The following HDAC4 variants were observed in gnomAD, a reference collection of about 807,000 sequenced individuals.
HDAC4 encodes the protein histone deacetylase A.
A neutral mutation model predicts 135.1 loss-of-function variants in HDAC4; 16 were observed. The ratio of observed to expected loss-of-function variants is 0.12; its 90% CI spans 0.08 to 0.18. The LOEUF (loss-of-function observed/expected upper bound fraction) is 0.18. Ranked by LOEUF, HDAC4 falls within the 10% of genes least tolerant of loss-of-function variation. HDAC4 has a pLI of 1.00. For synonymous variants in HDAC4, 685 were observed against 653.4 expected, an observed-to-expected ratio of 1.05 and a Z score of -0.74; for missense variants, 1,143 against 1,511.8, an observed-to-expected ratio of 0.76 and a Z score of 4.05.
chr2:239,316,016 CAGT>C, intron 2 of HDAC4, among the ~76,000 whole-genome samples: 1 of 152,166 alleles, frequency 6.6e-6, no homozygotes, highest in South Asian at 2.1e-4. Context: ...TCTCTTCCAT[CAGT>C]AGAACTCTTA....
chr2:239,062,204 C>T (rs1470707941), intron 24 of HDAC4, among the ~76,000 whole-genome samples: 1 of 152,272 alleles, frequency 6.6e-6, no homozygotes, highest in Non-Finnish European at 1.5e-5. Flanking sequence ...GCACAGGCCT[C>T]CAGACCTACG....
chr2:239,127,092 T>C (rs904863735), intron 11 of HDAC4, among the ~76,000 whole-genome samples: 3 of 152,134 alleles, frequency 2.0e-5, no homozygotes, highest in African/African-American at 4.8e-5. Context: ...GGGCCACCAG[T>C]GTGCTGAGGA....
At chr2:239,263,098 G>A (rs1002424459) in intron 2 of HDAC4, among the ~76,000 whole-genome samples, 10 of 152,184 alleles carry the variant, frequency 6.6e-5, no homozygotes, top group Admixed American at 5.9e-4. Flanking sequence ...GGTGACACAG[G>A]CACATACACA....
At chr2:239,060,179 T>C (rs987506467) in intron 24 of HDAC4, among the ~76,000 whole-genome samples, 8 of 152,160 alleles carry the variant, frequency 5.3e-5, no homozygotes, top group African/African-American at 1.9e-4. Flanking sequence ...TGGGACTCCA[T>C]CCACTGGGGC....
intron 2 of HDAC4, among the ~76,000 whole-genome samples, chr2:239,341,737 A>C (rs1346093289): frequency 6.6e-6 from 1 of 152,254 alleles, no homozygotes. Flanking sequence ...CTATGAATGC[A>C]AACTAATTGA....
At position 239,366,102 on chromosome 2, in the gene HDAC4, TCAGGGTCACGCGTGTGG is replaced by T. The variant is rs546531654; in HGVS notation, c.-219-13201_-219-13185del. On this transcript the variant is annotated intron_variant, in intron 1 of 26. Transcript: ENST00000543185. The stretch of plus-strand genomic sequence containing the variant: ...AACACGCATGCACAGAGCAGGGTCG[TCAGGGTCACGCGTGTGG>T]CACTGGCGGACACAAACACGCATGC... 3.7e-4 allele frequency among the ~76,000 whole-genome samples: 48 copies of T among 129,348 alleles called. No homozygotes were observed. In the East Asian group the frequency reaches 9.8e-3, roughly 26 times the overall value. 84.9% of individuals were successfully genotyped at this position (129,348 alleles called of 152,430 possible).
At chr2:239,154,158 C>T (rs2152942711) in intron 7 of HDAC4, among the ~76,000 whole-genome samples, 1 of 152,150 alleles carries the variant, frequency 6.6e-6, no homozygotes, top group South Asian at 2.1e-4. Flanking sequence ...TGTGTGCTGT[C>T]CTTTCCTGGG....
At chr2:239,366,470 T>G (rs1228338247) in intron 1 of HDAC4, among the ~76,000 whole-genome samples, 1 of 152,242 alleles carries the variant, frequency 6.6e-6, no homozygotes, top group Non-Finnish European at 1.5e-5. Flanking sequence ...GTGTGTTTAT[T>G]GCCAGTCTGC....
chr2:239,088,746 G>T (rs1407266535), intron 18 of HDAC4, among the ~76,000 whole-genome samples: 1 of 152,208 alleles, frequency 6.6e-6, no homozygotes, highest in Non-Finnish European at 1.5e-5. Context: ...AGACGGGAAG[G>T]AAGCGTGAGA....
intron 24 of HDAC4, among the ~76,000 whole-genome samples, chr2:239,060,363 C>T (rs756118181): frequency 3.3e-5 from 5 of 152,228 alleles, no homozygotes; most frequent in Admixed American, 1.3e-4. Context: ...ACCGCTCTCT[C>T]CTTCTCTCCC....
intron 24 of HDAC4, among the ~76,000 whole-genome samples, chr2:239,056,308 AG>A (rs1346244268): frequency 6.6e-6 from 1 of 152,200 alleles, no homozygotes; most frequent in African/African-American, 2.4e-5. Flanking sequence ...TCTCCAATGA[AG>A]GGAAGCAGGC....
At chr2:239,206,270 G>A (rs962145289) in intron 3 of HDAC4, among the ~76,000 whole-genome samples, 3 of 152,222 alleles carry the variant, frequency 2.0e-5, no homozygotes, top group Admixed American at 1.3e-4. Context: ...AGAGGCTGCA[G>A]TGAGCTGAGA....
At chr2:239,178,105 C>T (rs969111792) in intron 4 of HDAC4, among the ~76,000 whole-genome samples, 1 of 152,216 alleles carries the variant, frequency 6.6e-6, no homozygotes, top group Non-Finnish European at 1.5e-5. Flanking sequence ...CCACACAAAC[C>T]CCTGGGCCAG....
At chr2:239,242,916 T>C (rs1036925024) in intron 2 of HDAC4, among the ~76,000 whole-genome samples, 5 of 152,216 alleles carry the variant, frequency 3.3e-5, no homozygotes, top group African/African-American at 9.6e-5. Flanking sequence ...TCTGATAACG[T>C]AGTAAACTTT....
rs148603067 is a variant in HDAC4 at position 239,115,971 on chromosome 2, C to T, written c.1534-661G>A. On this transcript the variant is annotated intron_variant, in intron 12 of 26. Coordinates refer to ENST00000543185, the MANE Select transcript of HDAC4 (RefSeq NM_001378414.1). The surrounding 1 kb of genome is among the most constrained non-coding windows in gnomAD (Gnocchi z 6.3). ...TCCATGGGTGCTCCATGACCTGCCC[C>T]GCTATGGGGCCCCAAGAACCGCAAC... 2.1e-3 allele frequency among the ~76,000 whole-genome samples: 327 copies of T among 152,246 alleles called. 5 individuals carry two copies. Among genetic ancestry groups the T allele is most frequent in the African/African-American group, 7.5e-3 (310 of 41,532 alleles).
chr2:239,049,126 A>G lies in HDAC4; in HGVS notation c.*3971T>C, dbSNP rs905618646. ...TTTCCACATAAATACAATAAACTCT[A>G]TTATTGGTATGTCACAAGTGCTAGA... On this transcript the variant is annotated 3_prime_UTR_variant, in exon 27 of 27. Transcript: ENST00000543185. The G allele has an allele frequency of 6.6e-6, 1 of 152,358 alleles. No individual in the cohort carries two copies. The highest frequency in any genetic ancestry group is 2.4e-5 in the African/African-American group (1 of 41,474). 9.4% of individuals were successfully genotyped at this position (152,358 alleles called of 1,614,324 possible). A position where few individuals can be genotyped will look rare whatever the true frequency, so the allele number is the denominator to read the frequency against.
chr2:239,188,026 A>T, intron 4 of HDAC4, among the ~76,000 whole-genome samples: 1 of 152,248 alleles, frequency 6.6e-6, no homozygotes, highest in Non-Finnish European at 1.5e-5. Flanking sequence ...TGCCAAGGCA[A>T]CGGTGCCAAG....
At position 239,134,356 on chromosome 2, in the gene HDAC4, G is replaced by C; in HGVS notation, c.1183C>G (p.Pro395Ala). 1 of 1,614,032 alleles carries C rather than the reference G, an allele frequency of 6.2e-7. No homozygotes were observed. Among genetic ancestry groups the C allele is most frequent in the Non-Finnish European group, 8.5e-7 (1 of 1,180,010 alleles). Residue 395 changes from proline (P) to alanine (A), a missense_variant, in exon 11 of 27, where the codon CCC becomes GCC. By Grantham distance (27) the Pro-to-Ala change is conservative. Around this residue, in one of 9 missense-constraint regions of HDAC4, gnomAD observed 272 missense variants for 309.7 expected, o/e 0.88. Coordinates refer to ENST00000543185, the MANE Select transcript of HDAC4 (RefSeq NM_001378414.1). ...TCCAAGGGCGAGGTGCTCAGGTAGG[G>C]AGTGAGGTGGGTGCCGGGGAAAAGG... The part of the protein sequence containing the change: ...LSLFPGTHLT[P>A]YLSTSPLERD...
At chr2:239,108,239 C>A in intron 14 of HDAC4, 56 bp from the exon 15 acceptor site, 1 of 1,557,452 alleles carries the variant, frequency 6.4e-7, no homozygotes, top group Non-Finnish European at 8.7e-7. Flanking sequence ...AGCCGACCAC[C>A]CACTGGCAGG....
Sources: gnomAD v4.1 joint callset for allele counts (sites outside exome capture counted in the v4.1 genomes callset) on GRCh38, gnomAD v4.1.1 for gene constraint, gnomAD v4.1.1 regional missense constraint, Gnocchi (gnomAD v3.1) non-coding constraint, MANE v1.5 for transcripts, NCBI Gene and HGNC (gene_info 2026-07-23, HGNC 2026-07-21) for gene names.